ANKFN1: variants seen among roughly 807,000 people sequenced by gnomAD.
ANKFN1 encodes the protein ankyrin repeat and fibronectin type III domain containing 1.
In ANKFN1, 74 loss-of-function variants were observed where a neutral mutation model predicts 108.7. The observed-to-expected ratio is 0.68, with a 90% CI of 0.56 to 0.83. The LOEUF (loss-of-function observed/expected upper bound fraction) is 0.83. Among genes scored for constraint, ANKFN1 ranks in the 40% least tolerant of loss-of-function variants. The probability of loss-of-function intolerance (pLI) is 0.00; values close to 1 mark genes in which losing one functional copy is unlikely to be tolerated. For missense variants in ANKFN1, 1,505 were observed against 1,382.3 expected (o/e 1.09, Z -1.41); for synonymous variants, 547 against 516.2 (o/e 1.06, Z -0.81).
intron 2 of ANKFN1, among the ~76,000 whole-genome samples, chr17:56,218,608 C>A (rs1915614380): frequency 6.6e-6 from 1 of 152,186 alleles, no homozygotes. Context: ...TCTTGCCCAA[C>A]ACCTAATCAT....
chr17:56,440,416 C>CAT lies in ANKFN1; in HGVS notation c.1000_1001insAT (p.Leu334HisfsTer17). The CAT allele has an allele frequency of 6.2e-7, 1 of 1,609,532 alleles. No individual in the cohort carries two copies. The highest frequency in any genetic ancestry group is 8.5e-7 in the Non-Finnish European group (1 of 1,176,496). On this transcript the variant is annotated frameshift_variant, in exon 9 of 21. Transcript: ENST00000682825. LOFTEE classifies it high-confidence loss of function. ...GACTCTGAGATGCACAATCACAGGA[C>CAT]TTACAATGGTAAATGTCCCCAGTAG...
intron 1 of ANKFN1, among the ~76,000 whole-genome samples, chr17:56,181,339 A>G (rs556657158): frequency 2.0e-5 from 3 of 152,322 alleles, no homozygotes; most frequent in African/African-American, 7.2e-5. Flanking sequence ...CATAATAGCA[A>G]TAACTACTAG....
At chr17:56,228,298 C>A (rs1916440189) in intron 3 of ANKFN1, 2 of 231,886 alleles carry the variant, frequency 8.6e-6, no homozygotes, top group South Asian at 7.6e-5. Flanking sequence ...ATTTATTATT[C>A]TTTTCCCAGT....
intron 3 of ANKFN1, chr17:56,258,161 T>A (rs1389443092): frequency 6.6e-6 from 1 of 152,212 alleles, no homozygotes; most frequent in Non-Finnish European, 1.5e-5. Flanking sequence ...TAAAGTGATA[T>A]AGCATTTTTA....
intron 3 of ANKFN1, among the ~76,000 whole-genome samples, chr17:56,314,665 A>G (rs2041593207): frequency 1.3e-5 from 2 of 152,160 alleles, no homozygotes; most frequent in Admixed American, 6.5e-5. Flanking sequence ...TTCACAGCTA[A>G]TAAGTAGGAA....
chr17:56,455,274 T>C (rs2049646161), intron 11 of ANKFN1, among the ~76,000 whole-genome samples: 1 of 152,236 alleles, frequency 6.6e-6, no homozygotes, highest in Admixed American at 6.5e-5. Context: ...TTAGTGAGGT[T>C]TGGGGAAAGG....
intron 3 of ANKFN1, among the ~76,000 whole-genome samples, chr17:56,261,615 C>T (rs1213584132): frequency 6.6e-6 from 1 of 151,942 alleles, no homozygotes; most frequent in Non-Finnish European, 1.5e-5. Flanking sequence ...GTCTAAGAGT[C>T]CCAAAGCTGA....
At chr17:56,074,968 C>G (rs1905164583) in intron 4 of ANKFN1, among the ~76,000 whole-genome samples, 1 of 152,154 alleles carries the variant, frequency 6.6e-6, no homozygotes, top group South Asian at 2.1e-4. Flanking sequence ...AGGTTCACAA[C>G]AACCTTGTCA....
chr17:56,091,793 T>A (rs1486750924), intron 4 of ANKFN1, among the ~76,000 whole-genome samples: 1 of 151,400 alleles, frequency 6.6e-6, no homozygotes, highest in African/African-American at 2.4e-5. Flanking sequence ...TTTGAGAGGA[T>A]TGTGATTCCA....
intron 8 of ANKFN1, among the ~76,000 whole-genome samples, chr17:56,408,144 A>G (rs183268632): frequency 5.8e-4 from 88 of 152,190 alleles, no homozygotes; most frequent in African/African-American, 2.1e-3. Flanking sequence ...CATGTTGGCC[A>G]GGTTGGTCTT....
Position 56,280,194 on chromosome 17 carries a change from A to G in ANKFN1, c.54-46027A>G, listed in dbSNP as rs146592162. Among the ~76,000 whole-genome samples, 523 of 151,914 alleles carry G rather than the reference A, an allele frequency of 3.4e-3. 2 individuals are homozygous for G. Among genetic ancestry groups the G allele is most frequent in the African/African-American group, 0.012 (498 of 41,386 alleles). ...CCAGCTCATTTTTCGTCTTTTATGT[A>G]TAGAAATATATATATATTTCTACGT... is the stretch of plus-strand genomic sequence containing the variant. On this transcript the variant is annotated intron_variant, in intron 3 of 20. Coordinates refer to ENST00000682825, the MANE Select transcript of ANKFN1 (RefSeq NM_001370326.1).
intron 4 of ANKFN1, among the ~76,000 whole-genome samples, chr17:56,075,820 A>C (rs769145891): frequency 6.1e-4 from 93 of 152,130 alleles, no homozygotes; most frequent in Non-Finnish European, 1.2e-3. Flanking sequence ...TTTCTCAAAC[A>C]GAAGTTAACT....
intron 20 of ANKFN1, among the ~76,000 whole-genome samples, chr17:56,508,389 G>T (rs73991560): frequency 0.097 from 14,705 of 152,052 alleles, 828 homozygotes; most frequent in African/African-American, 0.16. Flanking sequence ...TATGTTTTTT[G>T]AAATAATTAT....
intron 8 of ANKFN1, among the ~76,000 whole-genome samples, chr17:56,420,123 C>A (rs1278229822): frequency 6.6e-6 from 1 of 152,174 alleles, no homozygotes; most frequent in African/African-American, 2.4e-5. Flanking sequence ...GCATGACATG[C>A]CTTTCTACCT....
At chr17:56,092,285 T>TTTTA (rs60379435) in intron 4 of ANKFN1, among the ~76,000 whole-genome samples, 2 of 143,296 alleles carry the variant, frequency 1.4e-5, no homozygotes, top group African/African-American at 5.5e-5. Flanking sequence ...TTTTTTTTTT[T>TTTTA]TTGAGATGGA....
rs148255710 is a variant in ANKFN1, at chr17:56,096,758, T to C, written c.288+50433T>C. Among the ~76,000 whole-genome samples the C allele has an allele frequency of 2.1e-3, 313 of 152,334 alleles. 1 individual carries two copies. Among genetic ancestry groups the C allele is most frequent in the African/African-American group, 6.9e-3 (285 of 41,574 alleles). ...ATGATTTGACCCAGCAATCCCATTA[T>C]TGGGTGTATACCCAAAGGAATATAA... On this transcript the variant is annotated intron_variant, in intron 4 of 12. Transcript: ENST00000635860.
chr17:56,079,618 TCTAA>T (rs1469663496), intron 4 of ANKFN1, among the ~76,000 whole-genome samples: 9 of 152,304 alleles, frequency 5.9e-5, no homozygotes, highest in Admixed American at 5.9e-4. Context: ...TGTCTAAGAC[TCTAA>T]CTATCAGGAC....
chr17:56,109,183 G>GA, intron 4 of ANKFN1, among the ~76,000 whole-genome samples: 1 of 152,288 alleles, frequency 6.6e-6, no homozygotes, highest in African/African-American at 2.4e-5. Flanking sequence ...TTATGTCAGA[G>GA]TAACAGGCAT....
intron 2 of ANKFN1, among the ~76,000 whole-genome samples, chr17:56,217,146 A>G (rs1341823661): frequency 6.6e-6 from 1 of 152,170 alleles, no homozygotes; most frequent in African/African-American, 2.4e-5. Flanking sequence ...CATCCCTGTC[A>G]TTAAAGGACC....
Sources: gnomAD v4.1 joint callset for allele counts (sites outside exome capture counted in the v4.1 genomes callset) on GRCh38, gnomAD v4.1.1 for gene constraint, MANE v1.5 for transcripts, NCBI Gene and HGNC (gene_info 2026-07-23, HGNC 2026-07-21) for gene names.